The following DNM1L variants were observed in gnomAD, a reference collection of about 807,000 sequenced individuals.
DNM1L encodes the protein dynamin-1-like protein.
A neutral mutation model predicts 92.8 loss-of-function variants in DNM1L; 33 were observed. The observed-to-expected ratio is 0.36, with a 90% CI of 0.27 to 0.48. DNM1L has a LOEUF of 0.48. Among genes scored for constraint, DNM1L ranks in the 20% least tolerant of loss-of-function variants. The pLI, the probability that DNM1L is intolerant of heterozygous loss-of-function variation, is 0.99. For missense variants in DNM1L, 485 were observed against 888.8 expected (o/e 0.55, Z 5.78); for synonymous variants, 284 against 305.0 (o/e 0.93, Z 0.72).
intron 1 of DNM1L, among the ~76,000 whole-genome samples, chr12:32,690,046 G>T (rs1952174636): frequency 6.6e-6 from 1 of 152,202 alleles, no homozygotes; most frequent in South Asian, 2.1e-4. Flanking sequence ...CAAGCTAGCT[G>T]TGATTTTTGC....
intron 1 of DNM1L, among the ~76,000 whole-genome samples, chr12:32,697,789 A>G (rs1952529037): frequency 6.6e-6 from 1 of 152,204 alleles, no homozygotes; most frequent in Non-Finnish European, 1.5e-5. Context: ...AATCCCAGGA[A>G]GAAGAAATTA....
At chr12:32,718,071 T>C (rs1953619370) in intron 6 of DNM1L, among the ~76,000 whole-genome samples, 3 of 135,650 alleles carry the variant, frequency 2.2e-5, no homozygotes, top group Non-Finnish European at 4.6e-5. Flanking sequence ...ATTTTATATA[T>C]ATACTATACA....
Position 32,727,259 on chromosome 12 carries a change from G to A in DNM1L, c.1080-3755G>A, listed in dbSNP as rs1354772142. The A allele has an allele frequency of 1.1e-5, 16 of 1,453,124 alleles. No homozygotes were observed. In the East Asian group the frequency reaches 1.1e-4, roughly 10 times the overall value. The allele number at this position is 1,453,124 out of a possible 1,614,324, so 90.0% of individuals were successfully genotyped here. ...GAACAGCATACTTCCTTTCAAGATC[G>A]TGAACTTCCTCATAGAATTTGGCTT... On this transcript the variant is annotated intron_variant, in intron 9 of 19. Coordinates refer to ENST00000549701, the MANE Select transcript of DNM1L (RefSeq NM_012062.5).
In DNM1L at chr12:32,740,492, C is replaced by T. The variant is rs148634653; in HGVS notation, c.1968C>T (p.Leu656=). The part of the protein sequence containing the change: ...VIERLIKSYF[L]IVRKNIQDSV... ...AACGACTCATTAAATCATATTTTCT[C>T]ATTGTCAGAAAGAATATTCAAGACA... The change falls in exon 18 of 20, where the codon CTC becomes CTT. Residue 656 remains leucine (L), a synonymous_variant. Transcript: ENST00000549701. 0.022 allele frequency: 35,793 copies of T among 1,613,430 alleles called. 517 individuals carry two copies. The highest frequency in any genetic ancestry group is 0.034 in the Middle Eastern group (206 of 6,060).
intron 12 of DNM1L, chr12:32,732,558 AGGATG>A (rs1954620569): frequency 2.2e-6 from 1 of 455,894 alleles, no homozygotes. Flanking sequence ...TCCTTGGCTC[AGGATG>A]GTGAACCCCG....
intron 1 of DNM1L, among the ~76,000 whole-genome samples, chr12:32,684,940 T>C (rs911681413): frequency 1.4e-5 from 2 of 147,738 alleles, no homozygotes; most frequent in African/African-American, 5.1e-5. Flanking sequence ...TGTGAATGTG[T>C]ATTTTTTTTT....
intron 18 of DNM1L, among the ~76,000 whole-genome samples, chr12:32,741,189 T>A (rs371725884): frequency 1.8e-4 from 28 of 152,234 alleles, no homozygotes; most frequent in African/African-American, 6.8e-4. Context: ...GTAGACTTTT[T>A]AAACCCGTAG....
intron 9 of DNM1L, chr12:32,727,065 T>C (rs1334082834): frequency 6.9e-6 from 5 of 727,714 alleles, no homozygotes; most frequent in Non-Finnish European, 7.7e-6. Flanking sequence ...AGGAATTCCT[T>C]TGGGGTCTTC....
At chr12:32,737,755 C>A in intron 14 of DNM1L, 110 bp from the exon 15 acceptor site, 1 of 820,598 alleles carries the variant, frequency 1.2e-6, no homozygotes, top group Non-Finnish European at 2.1e-6. Flanking sequence ...TTTCATCTTT[C>A]ATGTTATTTT....
Position 32,740,059 on chromosome 12 carries a change from T to C in DNM1L, c.1708-5T>C, listed in dbSNP as rs1565544311. On this transcript the variant is annotated splice_region_variant and splice_polypyrimidine_tract_variant and intron_variant, in intron 16 of 19. Transcript: ENST00000549701. ...GTTGGTATGTTTTGGAACATGTTTT[T>C]TCAGGTTGCATCTGGAGGTGGTGGG... 6.2e-7 allele frequency: 1 copy of C among 1,614,178 alleles called. No individual in the cohort carries two copies. Among genetic ancestry groups the C allele is most frequent in the Admixed American group, 1.7e-5 (1 of 60,026 alleles).
At chr12:32,727,520 C>A in intron 9 of DNM1L, 3 of 543,454 alleles carry the variant, frequency 5.5e-6, no homozygotes, top group Non-Finnish European at 6.5e-6. Context: ...GACCCTATCT[C>A]TGAAAATGGA....
At chr12:32,721,510 TTTA>T (rs1240629490) in intron 8 of DNM1L, among the ~76,000 whole-genome samples, 32 of 152,158 alleles carry the variant, frequency 2.1e-4, no homozygotes, top group Admixed American at 2.1e-3. Flanking sequence ...TTTCCTTGCT[TTTA>T]TTATTTAGGA....
At chr12:32,741,397 T>C (rs1955280192) in intron 18 of DNM1L, among the ~76,000 whole-genome samples, 1 of 152,214 alleles carries the variant, frequency 6.6e-6, no homozygotes, top group Non-Finnish European at 1.5e-5. Context: ...GCGATTCTCC[T>C]GCCTCAGCCT....
rs756728956 is a variant in DNM1L, at chr12:32,744,814, T to C, written c.*1404T>C. 7 of 469,814 alleles carry C rather than the reference T, an allele frequency of 1.5e-5. No individual in the cohort carries two copies. The highest frequency in any genetic ancestry group is 3.0e-5 in the South Asian group (2 of 65,598). The allele number at this position is 469,814 out of a possible 1,614,324, so 29.1% of individuals were successfully genotyped here. A position where few individuals can be genotyped will look rare whatever the true frequency, so the allele number is the denominator to read the frequency against. On this transcript the variant is annotated 3_prime_UTR_variant, in exon 20 of 20. Transcript: ENST00000549701. Reference sequence around the variant, plus strand: ...GGGTAGTGATGAGGTTTAGAACATATACATATTTTGTTAAAATTCCCCAGA... The same window carrying C: ...GGGTAGTGATGAGGTTTAGAACATACACATATTTTGTTAAAATTCCCCAGA...
chr12:32,716,248 G>T (rs1056587801), intron 6 of DNM1L, among the ~76,000 whole-genome samples: 1 of 151,620 alleles, frequency 6.6e-6, no homozygotes, highest in East Asian at 1.9e-4. Flanking sequence ...TTGGTGGGGG[G>T]GGGTGGCAAT....
chr12:32,718,031 TATACTATAC>T (rs1470068192), intron 6 of DNM1L, among the ~76,000 whole-genome samples: 1 of 126,278 alleles, frequency 7.9e-6, no homozygotes, highest in Non-Finnish European at 1.6e-5. Flanking sequence ...ATTATAAATA[TATACTATAC>T]ATACTATATA....
intron 18 of DNM1L, 32 bp downstream of exon 18, chr12:32,740,550 T>C: frequency 6.5e-7 from 1 of 1,537,246 alleles, no homozygotes; most frequent in South Asian, 1.1e-5. Flanking sequence ...TGACGGACTT[T>C]AATACTTCTG....
intron 12 of DNM1L, chr12:32,732,501 GTTTT>G (rs1256677613): frequency 4.4e-6 from 2 of 455,706 alleles, no homozygotes; most frequent in African/African-American, 2.0e-5. Flanking sequence ...TGTTGGCTGG[GTTTT>G]TTGTTTTTTG....
rs1392185114 is a variant in DNM1L at position 32,744,872 on chromosome 12, T to C, written c.*1462T>C. ...TGGTATGAACGACTATATTATAAAT[T>C]TTAAGATGTACTTAGAAATCCTTAA... On this transcript the variant is annotated 3_prime_UTR_variant, in exon 20 of 20. Transcript: ENST00000549701. 4.0e-6 allele frequency: 2 copies of C among 504,398 alleles called. No individual in the cohort carries two copies. Among genetic ancestry groups the C allele is most frequent in the Non-Finnish European group, 7.9e-6 (2 of 252,754 alleles). 31.2% of individuals were successfully genotyped at this position (504,398 alleles called of 1,614,324 possible).
Sources: gnomAD v4.1 joint callset for allele counts (sites outside exome capture counted in the v4.1 genomes callset) on GRCh38, gnomAD v4.1.1 for gene constraint, MANE v1.5 for transcripts, NCBI Gene and HGNC (gene_info 2026-07-23, HGNC 2026-07-21) for gene names.